The following MGAT4C variants were observed in gnomAD, a reference collection of about 807,000 sequenced individuals.
MGAT4C encodes the protein alpha-1,3-mannosyl-glycoprotein 4-beta-N-acetylglucosaminyltransferase C.
A neutral mutation model predicts 40.1 loss-of-function variants in MGAT4C; 19 were observed. The ratio of observed to expected loss-of-function variants is 0.47; its 90% CI spans 0.33 to 0.70. The LOEUF is 0.70. Ranked by LOEUF, MGAT4C falls within the 30% of genes least tolerant of loss-of-function variation. The pLI, the probability that MGAT4C is intolerant of heterozygous loss-of-function variation, is 0.02. For synonymous variants in MGAT4C, 181 were observed against 187.1 expected (o/e 0.97, Z 0.27); for missense variants, 491 against 563.2 (o/e 0.87, Z 1.30).
At chr12:86,505,619 C>T (rs148439840) in intron 2 of MGAT4C, among the ~76,000 whole-genome samples, 63 of 152,162 alleles carry the variant, frequency 4.1e-4, no homozygotes, top group Admixed American at 1.1e-3. Context: ...TTAAGCATAC[C>T]TTGTAAGTTT....
rs573953965 is a variant in MGAT4C at position 85,998,522 on chromosome 12, A to T, written c.-6-8970T>A. Among the ~76,000 whole-genome samples the T allele has an allele frequency of 2.7e-3, 404 of 152,302 alleles. 2 individuals carry two copies. Among genetic ancestry groups the T allele is most frequent in the African/African-American group, 9.3e-3 (388 of 41,580 alleles). On this transcript the variant is annotated intron_variant, in intron 2 of 4. Coordinates refer to ENST00000611864, the MANE Select transcript of MGAT4C (RefSeq NM_001351288.2). ...TATAAAACTGAATGCCTTTAACAGC[A>T]CACAAGTCACCTCTTGAATGCCTTG...
chr12:86,198,133 T>C (rs1386415046), intron 1 of MGAT4C, among the ~76,000 whole-genome samples: 1 of 152,170 alleles, frequency 6.6e-6, no homozygotes, highest in Non-Finnish European at 1.5e-5. Context: ...AGTTTAGTAA[T>C]ATATTTAAAT....
At position 85,989,383 on chromosome 12, in the gene MGAT4C, C is replaced by T. The variant is rs765055328; in HGVS notation, c.147+17G>A. The T allele has an allele frequency of 3.9e-6, 6 of 1,549,412 alleles. No homozygotes were observed. The Admixed American group carries it at 6.0e-5, about 15-fold the overall frequency. On this transcript the variant is annotated intron_variant, in intron 3 of 4. Coordinates refer to ENST00000611864, the MANE Select transcript of MGAT4C (RefSeq NM_001351288.2). ...TGCCTTATTTTGAAGAAAAGACAAT[C>T]AACCTCCCAAACTTACCAGAACATA...
At chr12:86,204,156 G>A (rs1353652430) in intron 1 of MGAT4C, among the ~76,000 whole-genome samples, 1 of 151,572 alleles carries the variant, frequency 6.6e-6, no homozygotes, top group Non-Finnish European at 1.5e-5. Flanking sequence ...CAAAAATTGA[G>A]AAATTCTTCC....
chr12:86,280,369 ATC>A (rs1372065008), intron 4 of MGAT4C, among the ~76,000 whole-genome samples: 9 of 151,920 alleles, frequency 5.9e-5, no homozygotes, highest in Admixed American at 3.9e-4. Flanking sequence ...GTCATTACAA[ATC>A]TATTTTTTAG....
intron 1 of MGAT4C, among the ~76,000 whole-genome samples, chr12:86,152,659 A>G (rs1281217020): frequency 6.6e-6 from 1 of 152,212 alleles, no homozygotes; most frequent in Non-Finnish European, 1.5e-5. Context: ...AGAGAAATCT[A>G]TCTTTTATTC....
chr12:85,978,071 G>A lies in MGAT4C; in HGVS notation c.*1218C>T, dbSNP rs1234581527. On this transcript the variant is annotated 3_prime_UTR_variant, in exon 5 of 5. Transcript: ENST00000611864. ...TCCCTATTAGGAAAAGTTTAGTCAAGTTTGCTTACTATTTGGGTGCTTATA... is the reference window on the plus strand; with the variant it reads ...TCCCTATTAGGAAAAGTTTAGTCAAATTTGCTTACTATTTGGGTGCTTATA... The A allele has an allele frequency of 6.6e-6, 1 of 151,504 alleles. No individual in the cohort carries two copies. Among genetic ancestry groups the A allele is most frequent in the African/African-American group, 2.4e-5 (1 of 41,372 alleles). The allele number at this position is 151,504 out of a possible 1,614,324, so 9.4% of individuals were successfully genotyped here.
chr12:86,185,838 A>T (rs571771345), intron 1 of MGAT4C, among the ~76,000 whole-genome samples: 1 of 152,242 alleles, frequency 6.6e-6, no homozygotes, highest in East Asian at 1.9e-4. Context: ...ATCAGCAAAC[A>T]CATTTCTTAG....
At chr12:86,666,099 C>T (rs1192008896) in intron 2 of MGAT4C, among the ~76,000 whole-genome samples, 3 of 152,130 alleles carry the variant, frequency 2.0e-5, no homozygotes, top group Non-Finnish European at 4.4e-5. Flanking sequence ...TTAAAACAAG[C>T]TTGATGCAAT....
At chr12:86,683,056 G>A (rs1950009586) in intron 2 of MGAT4C, among the ~76,000 whole-genome samples, 1 of 152,130 alleles carries the variant, frequency 6.6e-6, no homozygotes, top group South Asian at 2.1e-4. Flanking sequence ...ATCCTGAGCA[G>A]GATGTCTTTG....
intron 1 of MGAT4C, among the ~76,000 whole-genome samples, chr12:86,166,359 A>G (rs1429057403): frequency 1.3e-5 from 2 of 152,172 alleles, no homozygotes; most frequent in Non-Finnish European, 2.9e-5. Flanking sequence ...AACAACAACT[A>G]TGTACTAGAA....
intron 1 of MGAT4C, among the ~76,000 whole-genome samples, chr12:86,249,873 C>T (rs948588558): frequency 6.6e-6 from 1 of 152,166 alleles, no homozygotes; most frequent in Non-Finnish European, 1.5e-5. Flanking sequence ...GATTTTTACA[C>T]ATAGAATAAA....
At position 86,367,843 on chromosome 12, in the gene MGAT4C, C is replaced by A. The variant is rs112530587; in HGVS notation, c.-119-33716G>T. Among the ~76,000 whole-genome samples the A allele has an allele frequency of 5.7e-3, 856 of 149,174 alleles. 3 individuals carry two copies. The highest frequency in any genetic ancestry group is 0.016 in the African/African-American group (629 of 39,114). ...ACAAACAAACAAAAAACAACAACAACAAAAAAAACAACTCTTAAACTCTTA... is the reference window on the plus strand; with the variant it reads ...ACAAACAAACAAAAAACAACAACAAAAAAAAAAACAACTCTTAAACTCTTA... On this transcript the variant is annotated intron_variant, in intron 3 of 7. Transcript: ENST00000548651.
intron 2 of MGAT4C, among the ~76,000 whole-genome samples, chr12:86,570,976 G>A (rs1259823801): frequency 6.6e-6 from 1 of 151,908 alleles, no homozygotes; most frequent in Non-Finnish European, 1.5e-5. Flanking sequence ...ATCACACCCA[G>A]CTAACTTTTG....
At chr12:86,692,429 T>C (rs1179308069) in intron 2 of MGAT4C, among the ~76,000 whole-genome samples, 1 of 152,136 alleles carries the variant, frequency 6.6e-6, no homozygotes, top group Non-Finnish European at 1.5e-5. Context: ...CAAAAAACAA[T>C]CATTATTGAT....
intron 2 of MGAT4C, among the ~76,000 whole-genome samples, chr12:86,049,468 G>A (rs1892699991): frequency 1.3e-5 from 2 of 152,102 alleles, no homozygotes; most frequent in South Asian, 4.1e-4. Flanking sequence ...TACATGGCTT[G>A]TACTCAGAAA....
rs116910766 is a variant in MGAT4C at position 86,091,902 on chromosome 12, A to G, written c.-56-42179T>C. On this transcript the variant is annotated intron_variant, in intron 1 of 4. Coordinates refer to ENST00000611864, the MANE Select transcript of MGAT4C (RefSeq NM_001351288.2). ...AAGCTACCCTTCCCTTTATCTAATA[A>G]CAGTTCCCTTGAGAGAATCCCAAAG... Among the ~76,000 whole-genome samples, 1,133 of 152,220 alleles carry G rather than the reference A, an allele frequency of 7.4e-3. 9 individuals are homozygous for G. Among genetic ancestry groups the G allele is most frequent in the Non-Finnish European group, 0.011 (773 of 68,002 alleles).
intron 2 of MGAT4C, among the ~76,000 whole-genome samples, chr12:86,023,507 A>G (rs1889963621): frequency 1.3e-5 from 2 of 150,952 alleles, no homozygotes; most frequent in South Asian, 4.1e-4. Context: ...TTTTATATTA[A>G]GTACTATTTA....
At chr12:86,354,448 T>C (rs567916301) in intron 3 of MGAT4C, among the ~76,000 whole-genome samples, 4 of 152,118 alleles carry the variant, frequency 2.6e-5, no homozygotes, top group African/African-American at 4.8e-5. Flanking sequence ...GAATTATTAG[T>C]AGACTTTAAA....
Sources: allele counts gnomAD v4.1 joint callset (sites outside exome capture counted in the v4.1 genomes callset), GRCh38; gene constraint gnomAD v4.1.1; transcripts MANE v1.5; gene names NCBI Gene and HGNC (gene_info 2026-07-23, HGNC 2026-07-21).